OPCML: variants seen among roughly 807,000 people sequenced by gnomAD.
OPCML encodes the protein opioid-binding protein/cell adhesion molecule.
OPCML carries 13 observed loss-of-function variants against 37.8 expected under a neutral mutation model. The ratio of observed to expected loss-of-function variants is 0.34; its 90% CI spans 0.22 to 0.55. The LOEUF (loss-of-function observed/expected upper bound fraction) is 0.55, where lower values mean the gene tolerates loss of function less well. Among genes scored for constraint, OPCML ranks in the 20% least tolerant of loss-of-function variants. The pLI is 0.91. For missense variants in OPCML, 341 were observed against 435.6 expected (o/e 0.78, Z 1.93); for synonymous variants, 176 against 168.8 (o/e 1.04, Z -0.33).
chr11:132,833,582 T>A (rs751901336), intron 2 of OPCML, among the ~76,000 whole-genome samples: 1 of 152,270 alleles, frequency 6.6e-6, no homozygotes, highest in Non-Finnish European at 1.5e-5. Context: ...AATAGTCATT[T>A]ATCATCACTA....
At chr11:133,020,432 T>C (rs922170191) in intron 1 of OPCML, among the ~76,000 whole-genome samples, 4 of 152,186 alleles carry the variant, frequency 2.6e-5, no homozygotes, top group East Asian at 1.9e-4. Context: ...TTCTATTTTT[T>C]AGTCTCTACT....
At chr11:132,611,005 A>T (rs1938605665) in intron 3 of OPCML, among the ~76,000 whole-genome samples, 1 of 151,968 alleles carries the variant, frequency 6.6e-6, no homozygotes, top group African/African-American at 2.4e-5. Flanking sequence ...GGGACTCGAG[A>T]TTTACTTTAG....
At chr11:132,704,383 G>C (rs1340785584) in intron 2 of OPCML, among the ~76,000 whole-genome samples, 1 of 152,104 alleles carries the variant, frequency 6.6e-6, no homozygotes, top group African/African-American at 2.4e-5. Flanking sequence ...TTGGATAAAA[G>C]AAATTATGGG....
chr11:132,530,886 C>T (rs1257790345), intron 3 of OPCML, among the ~76,000 whole-genome samples: 1 of 152,082 alleles, frequency 6.6e-6, no homozygotes, highest in East Asian at 1.9e-4. Flanking sequence ...TTCTTGATTC[C>T]CTACCTGAAC....
intron 3 of OPCML, among the ~76,000 whole-genome samples, chr11:132,538,431 T>A (rs1367717474): frequency 6.6e-6 from 1 of 152,182 alleles, no homozygotes; most frequent in African/African-American, 2.4e-5. Flanking sequence ...TGACTATTGA[T>A]GGAGGTGGAG....
intron 1 of OPCML, among the ~76,000 whole-genome samples, chr11:132,964,245 G>C (rs1946162258): frequency 6.6e-6 from 1 of 152,252 alleles, no homozygotes. Context: ...AAAAACACAT[G>C]GGAATATTAT....
chr11:132,545,437 AC>A, intron 3 of OPCML, among the ~76,000 whole-genome samples: 1 of 152,276 alleles, frequency 6.6e-6, no homozygotes, highest in Middle Eastern at 3.4e-3. Context: ...ACAACCAGGT[AC>A]TCAGCCTTCC....
intron 1 of OPCML, among the ~76,000 whole-genome samples, chr11:133,464,176 C>A (rs75649142): frequency 0.06 from 9,153 of 152,188 alleles, 856 homozygotes; most frequent in African/African-American, 0.2. Context: ...TTCTTTAACA[C>A]CTGAAAATGT....
intron 1 of OPCML, among the ~76,000 whole-genome samples, chr11:132,989,793 A>G (rs1425621010): frequency 6.6e-6 from 1 of 152,206 alleles, no homozygotes; most frequent in Non-Finnish European, 1.5e-5. Flanking sequence ...AGATTCATTT[A>G]AAAAATAAAA....
Position 132,480,648 on chromosome 11 carries a change from C to A in OPCML, c.506-43289G>T, listed in dbSNP as rs11821123. 9.5e-3 allele frequency among the ~76,000 whole-genome samples: 1,450 copies of A among 152,158 alleles called. 12 individuals are homozygous for A. Among genetic ancestry groups the A allele is most frequent in the African/African-American group, 0.032 (1,345 of 41,496 alleles). On this transcript the variant is annotated intron_variant, in intron 4 of 7. Transcript: ENST00000524381. The stretch of plus-strand genomic sequence containing the variant: ...GGTCGGGTTACCCTCAAAGGGAAGC[C>A]CATCAGACTAACAGCGGATCTCTTG...
intron 1 of OPCML, among the ~76,000 whole-genome samples, chr11:133,271,244 A>G (rs757034954): frequency 2.0e-5 from 3 of 152,220 alleles, no homozygotes; most frequent in Non-Finnish European, 4.4e-5. Context: ...AAGTATCTCA[A>G]TATCCCAGAA....
intron 2 of OPCML, among the ~76,000 whole-genome samples, chr11:132,659,073 C>T (rs553185060): frequency 8.1e-4 from 123 of 152,226 alleles, no homozygotes; most frequent in African/African-American, 2.7e-3. Flanking sequence ...AATCTAGGTA[C>T]CATCGAATGA....
At chr11:133,235,313 C>G (rs1447093651) in intron 1 of OPCML, among the ~76,000 whole-genome samples, 1 of 152,132 alleles carries the variant, frequency 6.6e-6, no homozygotes, top group Non-Finnish European at 1.5e-5. Flanking sequence ...CCCCAGAGCT[C>G]TCAGGAAAAT....
chr11:132,724,475 C>T (rs1264744592), intron 2 of OPCML, among the ~76,000 whole-genome samples: 1 of 152,074 alleles, frequency 6.6e-6, no homozygotes, highest in East Asian at 1.9e-4. Flanking sequence ...CCACCTGGTT[C>T]CTCCCACAAC....
chr11:133,272,253 A>G (rs1301958360), intron 1 of OPCML, among the ~76,000 whole-genome samples: 2 of 40,210 alleles, frequency 5.0e-5, no homozygotes, highest in Admixed American at 9.8e-4. Context: ...TATTTGGACT[A>G]AAAAAAAAAA....
At chr11:132,845,396 GCAC>G (rs1027509872) in intron 2 of OPCML, among the ~76,000 whole-genome samples, 1 of 152,144 alleles carries the variant, frequency 6.6e-6, no homozygotes, top group Non-Finnish European at 1.5e-5. Context: ...ATAGAACAAA[GCAC>G]CACATTTCAA....
At chr11:133,305,553 G>C (rs2136577287) in intron 1 of OPCML, among the ~76,000 whole-genome samples, 1 of 152,264 alleles carries the variant, frequency 6.6e-6, no homozygotes, top group South Asian at 2.1e-4. Context: ...GCCTATTACA[G>C]CCATGCTTAT....
At chr11:132,876,026 G>A (rs1166478283) in intron 2 of OPCML, among the ~76,000 whole-genome samples, 1 of 152,196 alleles carries the variant, frequency 6.6e-6, no homozygotes, top group African/African-American at 2.4e-5. Context: ...ACAATTTGAA[G>A]TACTTTGCAT....
intron 3 of OPCML, among the ~76,000 whole-genome samples, chr11:132,653,169 G>A (rs1004271994): frequency 6.6e-6 from 1 of 152,010 alleles, no homozygotes; most frequent in Admixed American, 6.5e-5. Context: ...CTTTCCGAGT[G>A]GCATAGGATC....
Sources: gnomAD v4.1 joint callset for allele counts (sites outside exome capture counted in the v4.1 genomes callset) on GRCh38, gnomAD v4.1.1 for gene constraint, MANE v1.5 for transcripts, NCBI Gene and HGNC (gene_info 2026-07-23, HGNC 2026-07-21) for gene names.